EPB41L3: variants seen among roughly 807,000 people sequenced by gnomAD.
The protein encoded by EPB41L3 is erythrocyte membrane protein band 4.1 like 3, also known as band 4.1-like protein 3.
EPB41L3 carries 57 observed loss-of-function variants against 127.1 expected under a neutral mutation model. The ratio of observed to expected loss-of-function variants is 0.45; its 90% CI spans 0.36 to 0.56. The LOEUF (loss-of-function observed/expected upper bound fraction) is 0.56, where lower values mean the gene tolerates loss of function less well. Among genes scored for constraint, EPB41L3 ranks in the 20% least tolerant of loss-of-function variants. The pLI is 0.00. For missense variants in EPB41L3, 1,273 were observed against 1,372.2 expected (o/e 0.93, Z 1.14); for synonymous variants, 572 against 549.5 (o/e 1.04, Z -0.57).
At chr18:5,420,620 T>A (rs1052417010) in intron 11 of EPB41L3, among the ~76,000 whole-genome samples, 4 of 152,184 alleles carry the variant, frequency 2.6e-5, no homozygotes, top group Non-Finnish European at 5.9e-5. Flanking sequence ...CTAAATGAAA[T>A]TCATGCAAAT....
intron 1 of EPB41L3, among the ~76,000 whole-genome samples, chr18:5,614,722 T>C (rs939401443): frequency 1.9e-4 from 29 of 152,276 alleles, no homozygotes; most frequent in African/African-American, 6.0e-4. Context: ...GGCAGGAAAC[T>C]CTGGAGTTAA....
chr18:5,399,113 A>C, intron 16 of EPB41L3: 1 of 399,052 alleles, frequency 2.5e-6, no homozygotes, highest in Non-Finnish European at 4.4e-6. Context: ...CACCCTCTTT[A>C]GCTTTCCCAG....
chr18:5,433,463 G>A lies in EPB41L3; in HGVS notation c.912+6C>T, dbSNP rs2079282011. On this transcript the variant is annotated splice_donor_region_variant and intron_variant, in intron 8 of 22. Coordinates refer to ENST00000341928, the MANE Select transcript of EPB41L3 (RefSeq NM_012307.5). ...TTGAAAGTTTAGGGTTTAAAAAGAT[G>A]CATACCTTAGCATGATGTAAATCTA... 2.6e-5 allele frequency: 41 copies of A among 1,600,658 alleles called. No individual in the cohort carries two copies. The East Asian group carries it at 8.9e-4, about 35-fold the overall frequency.
At chr18:5,589,995 A>G (rs1243298465) in intron 3 of EPB41L3, among the ~76,000 whole-genome samples, 1 of 152,236 alleles carries the variant, frequency 6.6e-6, no homozygotes, top group Admixed American at 6.5e-5. Flanking sequence ...AGCAATTTCC[A>G]CATTTGAATT....
chr18:5,593,109 A>G (rs2094501336), intron 3 of EPB41L3, among the ~76,000 whole-genome samples: 3 of 152,144 alleles, frequency 2.0e-5, no homozygotes, highest in Admixed American at 6.5e-5. Flanking sequence ...TGTAATGATC[A>G]GAACCACTGA....
intron 14 of EPB41L3, among the ~76,000 whole-genome samples, chr18:5,408,988 T>C (rs1267461225): frequency 6.6e-6 from 1 of 152,182 alleles, no homozygotes; most frequent in East Asian, 1.9e-4. Flanking sequence ...GTCAGGTGCC[T>C]TAAGAAAATC....
chr18:5,597,000 T>C (rs933053580), intron 3 of EPB41L3, among the ~76,000 whole-genome samples: 30 of 152,164 alleles, frequency 2.0e-4, no homozygotes, highest in Admixed American at 1.6e-3. Flanking sequence ...GGCAGGAGGA[T>C]TGCTTTGAGT....
rs553815786 is a variant in EPB41L3 at position 5,447,336 on chromosome 18, T to C, written c.382-2092A>G. ...AGCAGATTATTATGCGTGTTTTCTATAGGAGCACATATCCAACTCCTGGTG... is the reference window on the plus strand; with the variant it reads ...AGCAGATTATTATGCGTGTTTTCTACAGGAGCACATATCCAACTCCTGGTG... On this transcript the variant is annotated intron_variant, in intron 3 of 22. Coordinates refer to ENST00000341928, the MANE Select transcript of EPB41L3 (RefSeq NM_012307.5). Among the ~76,000 whole-genome samples the C allele has an allele frequency of 2.5e-4, 38 of 152,208 alleles. No homozygotes were observed. In the South Asian group the frequency reaches 6.8e-3, roughly 27 times the overall value.
chr18:5,399,415 A>G, intron 16 of EPB41L3: 1 of 398,560 alleles, frequency 2.5e-6, no homozygotes, highest in East Asian at 3.6e-5. Context: ...GCTAAATTAG[A>G]AATTCTGATG....
rs201959221 is a variant in EPB41L3, at chr18:5,434,019, C to T, written c.708G>A (p.Glu236=). ...ALLGSYTVQS[E]LGDYDPDECG... ...ATTCATCTGGGTCATAGTCTCCGAG[C>T]TCTGACTGGACAGTGTAGGAGCCCA... is the stretch of plus-strand genomic sequence containing the variant. Residue 236 remains glutamate, a synonymous_variant, in exon 7 of 23, where the codon GAG becomes GAA. Coordinates refer to ENST00000341928, the MANE Select transcript of EPB41L3 (RefSeq NM_012307.5). 1.1e-4 allele frequency: 185 copies of T among 1,614,166 alleles called. 1 individual carries two copies. Among genetic ancestry groups the T allele is most frequent in the Admixed American group, 2.0e-4 (12 of 60,024 alleles).
intron 1 of EPB41L3, among the ~76,000 whole-genome samples, chr18:5,505,098 G>A (rs2092044699): frequency 6.6e-6 from 1 of 152,136 alleles, no homozygotes; most frequent in Non-Finnish European, 1.5e-5. Flanking sequence ...CTATGACCAT[G>A]CATCTGTCAT....
chr18:5,407,700 C>T lies in EPB41L3; in HGVS notation c.2157+1G>A. The T allele has an allele frequency of 6.2e-7, 1 of 1,613,826 alleles. No homozygotes were observed. The highest frequency in any genetic ancestry group is 8.5e-7 in the Non-Finnish European group (1 of 1,179,872). On this transcript the variant is annotated splice_donor_variant, in intron 15 of 22. Transcript: ENST00000341928. LOFTEE classifies it high-confidence loss of function. ...TGTTTGTTTTATTTTTAATTTTCTA[C>T]CTGTGCCTTGAGCTCTGCATCTTCC... is the stretch of plus-strand genomic sequence containing the variant.
chr18:5,602,265 G>T (rs1737275488), intron 3 of EPB41L3, among the ~76,000 whole-genome samples: 1 of 152,128 alleles, frequency 6.6e-6, no homozygotes, highest in Non-Finnish European at 1.5e-5. Context: ...CCTAAATGCT[G>T]CACGTTTTCC....
intron 1 of EPB41L3, chr18:5,508,125 T>G (rs1438838602): frequency 6.6e-6 from 1 of 152,156 alleles, no homozygotes; most frequent in Non-Finnish European, 1.5e-5. Context: ...AAATAAATTT[T>G]CTGGGCATCA....
chr18:5,561,034 G>A (rs1301480665), intron 3 of EPB41L3, among the ~76,000 whole-genome samples: 15 of 144,520 alleles, frequency 1.0e-4, no homozygotes, highest in Non-Finnish European at 1.5e-4. Flanking sequence ...CTGGAGTGCA[G>A]TGGCGCGATC....
chr18:5,416,251 G>T lies in EPB41L3; in HGVS notation c.1634C>A (p.Ser545Tyr). The T allele has an allele frequency of 1.9e-6, 3 of 1,614,116 alleles. No individual in the cohort carries two copies. The highest frequency in any genetic ancestry group is 2.2e-5 in the South Asian group (2 of 91,080). ...NDCKLPGYEPSRAEHLPGEPA... is the reference protein window; with the variant it reads ...NDCKLPGYEPYRAEHLPGEPA... ...CTCTCCAGGCAGGTGCTCAGCTCTG[G>T]ACGGCTCATAACCTGGCAGTTTGCA... The change falls in exon 13 of 23, where the codon TCC becomes TAC. Residue 545 changes from serine to tyrosine, a missense_variant. Ser to Tyr is a moderately radical substitution (Grantham distance 144). Coordinates refer to ENST00000341928, the MANE Select transcript of EPB41L3 (RefSeq NM_012307.5).
chr18:5,542,854 G>GT (rs945410601), intron 1 of EPB41L3, among the ~76,000 whole-genome samples: 2 of 152,222 alleles, frequency 1.3e-5, no homozygotes, highest in Admixed American at 6.5e-5. Flanking sequence ...CTTGGCGGGC[G>GT]TGGGGGGGAA....
chr18:5,450,755 C>T (rs2082186073), intron 3 of EPB41L3, among the ~76,000 whole-genome samples: 1 of 152,208 alleles, frequency 6.6e-6, no homozygotes, highest in East Asian at 1.9e-4. Context: ...GATAATTCTC[C>T]ACTTATCTTG....
intron 3 of EPB41L3, among the ~76,000 whole-genome samples, chr18:5,581,043 A>C (rs1404519261): frequency 6.6e-6 from 1 of 152,130 alleles, no homozygotes; most frequent in Non-Finnish European, 1.5e-5. Context: ...TGGCCACACA[A>C]AGTGAATTTG....
Sources: allele counts gnomAD v4.1 joint callset (sites outside exome capture counted in the v4.1 genomes callset), GRCh38; gene constraint gnomAD v4.1.1; transcripts MANE v1.5; gene names NCBI Gene and HGNC (gene_info 2026-07-23, HGNC 2026-07-21).